The following PRKCI variants were observed in gnomAD, a reference collection of about 807,000 sequenced individuals.
PRKCI encodes protein kinase C iota type.
Under a neutral mutation model 84.0 loss-of-function variants are expected in PRKCI, and 43 were observed. The ratio of observed to expected loss-of-function variants is 0.51; its 90% CI spans 0.40 to 0.66. The LOEUF is 0.66. Among genes scored for constraint, PRKCI ranks in the 30% least tolerant of loss-of-function variants. The pLI is 0.00. For missense variants in PRKCI, 459 were observed against 745.6 expected (o/e 0.62, Z 4.48); for synonymous variants, 216 against 234.4 (o/e 0.92, Z 0.72).
chr3:170,258,466 T>G (rs1733642798), intron 2 of PRKCI, among the ~76,000 whole-genome samples: 1 of 151,920 alleles, frequency 6.6e-6, no homozygotes, highest in African/African-American at 2.4e-5. Flanking sequence ...CCACTGTGCC[T>G]GGCTAATTTT....
At chr3:170,234,148 C>T (rs556635698) in intron 1 of PRKCI, among the ~76,000 whole-genome samples, 3 of 151,186 alleles carry the variant, frequency 2.0e-5, no homozygotes, top group African/African-American at 2.4e-5. Flanking sequence ...TCTTCTGCCC[C>T]AGCCTCCTGA....
intron 8 of PRKCI, among the ~76,000 whole-genome samples, chr3:170,276,517 T>C (rs1041061751): frequency 4.6e-5 from 7 of 151,982 alleles, no homozygotes; most frequent in African/African-American, 1.7e-4. Context: ...CGTGCAGTGG[T>C]GCAATGATGG....
At chr3:170,246,736 T>C (rs1017195534) in intron 2 of PRKCI, among the ~76,000 whole-genome samples, 6 of 152,230 alleles carry the variant, frequency 3.9e-5, no homozygotes, top group African/African-American at 1.2e-4. Flanking sequence ...ACATTCACAG[T>C]GTTGTACAAC....
chr3:170,253,609 G>A lies in PRKCI; in HGVS notation c.224-6360G>A, dbSNP rs142488140. ...AATCGAGACCATCCTGGCTAACATG[G>A]TGAAACCCCGTCTCTACTAAAAATC... On this transcript the variant is annotated intron_variant, in intron 2 of 17. Transcript: ENST00000295797. Among the ~76,000 whole-genome samples the A allele has an allele frequency of 2.7e-3, 408 of 152,158 alleles. 5 individuals carry two copies. Among genetic ancestry groups the A allele is most frequent in the East Asian group, 0.026 (132 of 5,168 alleles).
chr3:170,225,570 T>G (rs1301224063), intron 1 of PRKCI, among the ~76,000 whole-genome samples: 2 of 151,770 alleles, frequency 1.3e-5, no homozygotes, highest in Non-Finnish European at 2.9e-5. Context: ...CACTTTTCTT[T>G]TCTTTTTTTT....
chr3:170,283,574 T>C (rs1734306220), intron 11 of PRKCI, among the ~76,000 whole-genome samples: 1 of 152,222 alleles, frequency 6.6e-6, no homozygotes, highest in Admixed American at 6.5e-5. Context: ...ATGGTCACCC[T>C]TCATAGAGCC....
At chr3:170,263,109 C>T (rs1420052163) in intron 3 of PRKCI, among the ~76,000 whole-genome samples, 24 of 150,256 alleles carry the variant, frequency 1.6e-4, no homozygotes, top group African/African-American at 5.9e-4. Context: ...GCGGAGCTTG[C>T]AGTGAGTCGA....
intron 9 of PRKCI, 66 bp from the exon 10 acceptor site, chr3:170,281,100 T>C (rs1275847914): frequency 8.0e-6 from 11 of 1,372,126 alleles, no homozygotes; most frequent in Non-Finnish European, 1.1e-5. Context: ...ATTGAATTGC[T>C]CAGAGCAAAT....
intron 4 of PRKCI, 72 bp downstream of exon 4, chr3:170,263,501 G>T: frequency 7.2e-7 from 1 of 1,379,668 alleles, no homozygotes; most frequent in Non-Finnish European, 1.0e-6. Flanking sequence ...AGAAATCAGA[G>T]ATAGAATTTT....
chr3:170,224,291 A>T (rs901283085), intron 1 of PRKCI, among the ~76,000 whole-genome samples: 4 of 152,058 alleles, frequency 2.6e-5, no homozygotes, highest in African/African-American at 9.7e-5. Context: ...ACAGTATGAT[A>T]ACTTTGTGTT....
intron 8 of PRKCI, among the ~76,000 whole-genome samples, chr3:170,276,986 A>G (rs1560180165): frequency 6.6e-6 from 1 of 152,030 alleles, no homozygotes; most frequent in Non-Finnish European, 1.5e-5. Context: ...TACACCAGTA[A>G]TCCCAGCACT....
At chr3:170,293,242 CA>C (rs1734606822) in intron 13 of PRKCI, 140 bp from the exon 14 acceptor site, 1 of 651,502 alleles carries the variant, frequency 1.5e-6, no homozygotes, top group African/African-American at 1.9e-5. Context: ...CTATAATCTT[CA>C]GTGCCTACCA....
chr3:170,291,974 A>G (rs532950902), intron 13 of PRKCI, 33 bp downstream of exon 13: 5 of 1,448,436 alleles, frequency 3.5e-6, no homozygotes, highest in Non-Finnish European at 4.9e-6. Flanking sequence ...TATTTTAGCT[A>G]TTGCTAGATG....
In PRKCI at chr3:170,222,766, C is replaced by T. The variant is rs1256310680; in HGVS notation, c.97C>T (p.Arg33Cys). Residue 33 changes from arginine (R) to cysteine (C), a missense_variant, in exon 1 of 18, where the codon CGC becomes TGC. This residue lies in a region of PRKCI where 250 missense variants were observed against 319.7 expected (regional missense o/e 0.78). Coordinates refer to ENST00000295797, the MANE Select transcript of PRKCI (RefSeq NM_002740.6). ...SHQVRVKAYYRGDIMITHFEP... is the reference protein window; with the variant it reads ...SHQVRVKAYYCGDIMITHFEP... ...CCAGGTCCGGGTGAAAGCCTACTACCGCGGGTGAGTGTCCTGGGACAGGGC... is the reference window on the plus strand; with the variant it reads ...CCAGGTCCGGGTGAAAGCCTACTACTGCGGGTGAGTGTCCTGGGACAGGGC... The T allele has an allele frequency of 1.9e-6, 3 of 1,556,474 alleles. No individual in the cohort carries two copies. Among genetic ancestry groups the T allele is most frequent in the East Asian group, 2.5e-5 (1 of 40,120 alleles).
intron 2 of PRKCI, among the ~76,000 whole-genome samples, chr3:170,235,801 A>G (rs1732959509): frequency 6.6e-6 from 1 of 151,962 alleles, no homozygotes; most frequent in South Asian, 2.1e-4. Context: ...TCCTGACCTT[A>G]TGATCTGCCC....
intron 4 of PRKCI, among the ~76,000 whole-genome samples, chr3:170,267,675 C>CAAAAAAAA (rs1169448041): frequency 1.9e-5 from 1 of 52,980 alleles, no homozygotes; most frequent in Non-Finnish European, 4.2e-5. Flanking sequence ...TCCATCTCAC[C>CAAAAAAAA]AAAAAAAAAA....
At chr3:170,302,435 C>G (rs745567968) in intron 17 of PRKCI, among the ~76,000 whole-genome samples, 2 of 152,124 alleles carry the variant, frequency 1.3e-5, no homozygotes, top group African/African-American at 2.4e-5. Context: ...GGGACTGTAT[C>G]CTCTGTAACT....
chr3:170,270,579 T>C lies in PRKCI; in HGVS notation c.591+18T>C, dbSNP rs76968270. ...TGCCACAGGTAAGATGTCTGTCCTT[T>C]TTTTTTTTTTTTTTTTTAAGAGCGT... On this transcript the variant is annotated intron_variant, in intron 6 of 17. Transcript: ENST00000295797. The C allele has an allele frequency of 2.6e-6, 3 of 1,134,088 alleles. No homozygotes were observed. Among genetic ancestry groups the C allele is most frequent in the South Asian group, 1.6e-5 (1 of 62,370 alleles). 70.3% of individuals were successfully genotyped at this position (1,134,088 alleles called of 1,614,324 possible).
At position 170,303,748 on chromosome 3, in the gene PRKCI, G is replaced by A. The variant is rs1399455452; in HGVS notation, c.*621G>A. 1 of 206,146 alleles carries A rather than the reference G, an allele frequency of 4.9e-6. No homozygotes were observed. The highest frequency in any genetic ancestry group is 9.9e-6 in the Non-Finnish European group (1 of 100,990). The allele number at this position is 206,146 out of a possible 1,614,324, so 12.8% of individuals were successfully genotyped here. A position where few individuals can be genotyped will look rare whatever the true frequency, so the allele number is the denominator to read the frequency against. On this transcript the variant is annotated 3_prime_UTR_variant, in exon 18 of 18. Transcript: ENST00000295797. Reference sequence around the variant, plus strand: ...CAGTGACTCAATGCCTGTGATCCCAGTACTTTGGGAGGTTGAGGCGGGCAG... The same window carrying A: ...CAGTGACTCAATGCCTGTGATCCCAATACTTTGGGAGGTTGAGGCGGGCAG...
Sources: allele counts gnomAD v4.1 joint callset (sites outside exome capture counted in the v4.1 genomes callset), GRCh38; gene constraint gnomAD v4.1.1; regional missense constraint gnomAD v4.1.1; transcripts MANE v1.5; gene names NCBI Gene and HGNC (gene_info 2026-07-23, HGNC 2026-07-21).